The following PLXNA4 variants were observed in gnomAD, a reference collection of about 807,000 sequenced individuals.
The protein encoded by PLXNA4 is plexin A4.
In PLXNA4, 44 loss-of-function variants were observed where a neutral mutation model predicts 191.8. That is an observed-to-expected ratio of 0.23 (90% CI 0.18 to 0.29). The LOEUF is 0.29. Ranked by LOEUF, PLXNA4 falls within the 10% of genes least tolerant of loss-of-function variation. The probability of loss-of-function intolerance (pLI) is 1.00; values close to 1 mark genes in which losing one functional copy is unlikely to be tolerated. For synonymous variants in PLXNA4, 1,082 were observed against 1,009.5 expected, an observed-to-expected ratio of 1.07 and a Z score of -1.36; for missense variants, 1,800 against 2,488.8, an observed-to-expected ratio of 0.72 and a Z score of 5.89.
intron 3 of PLXNA4, among the ~76,000 whole-genome samples, chr7:132,330,775 C>A (rs994701220): frequency 1.3e-5 from 2 of 152,214 alleles, no homozygotes; most frequent in Non-Finnish European, 2.9e-5. Flanking sequence ...GCACCACTGA[C>A]CCTGGCAGCC....
At chr7:132,268,144 T>C (rs1276594170) in intron 4 of PLXNA4, among the ~76,000 whole-genome samples, 1 of 152,232 alleles carries the variant, frequency 6.6e-6, no homozygotes, top group Non-Finnish European at 1.5e-5. Context: ...ATTTATGAAC[T>C]TGCCAGCCTC....
intron 4 of PLXNA4, among the ~76,000 whole-genome samples, chr7:132,276,123 G>T (rs1293876982): frequency 1.3e-5 from 2 of 152,126 alleles, no homozygotes; most frequent in African/African-American, 4.8e-5. Flanking sequence ...TCTCTGCTGT[G>T]TTTATTGTCT....
chr7:132,254,517 T>C (rs1562993777), intron 4 of PLXNA4, among the ~76,000 whole-genome samples: 1 of 152,184 alleles, frequency 6.6e-6, no homozygotes, highest in Non-Finnish European at 1.5e-5. Context: ...CTCCTATGCA[T>C]AAAGGGAGCA....
chr7:132,311,156 TTGTG>T lies in PLXNA4; in HGVS notation c.1372-12938_1372-12935del, dbSNP rs749947062. ...CCAGTTCCTGGGCTATCTAGGATAA[TTGTG>T]TGTGTGTGTGTGTGTGTGTGTGTGT... On this transcript the variant is annotated intron_variant, in intron 3 of 31. Transcript: ENST00000321063. Among the ~76,000 whole-genome samples, 1,056 of 132,042 alleles carry T rather than the reference TTGTG, an allele frequency of 8.0e-3. 9 individuals are homozygous for T. The highest frequency in any genetic ancestry group is 0.016 in the African/African-American group (527 of 32,910). The allele number at this position is 132,042 out of a possible 152,430, so 86.6% of individuals were successfully genotyped here.
At chr7:132,633,242 G>A (rs944731913) in intron 2 of PLXNA4, among the ~76,000 whole-genome samples, 8 of 151,428 alleles carry the variant, frequency 5.3e-5, no homozygotes, top group Non-Finnish European at 1.0e-4. Context: ...AACACAATTT[G>A]CTCCAGGTGA....
Position 132,514,840 on chromosome 7 carries a change from C to A in PLXNA4, c.-86-6061G>T, listed in dbSNP as rs940469500. On this transcript the variant is annotated intron_variant, in intron 1 of 31. Transcript: ENST00000321063. ...CACACACACACACATCCTCTTGGTT[C>A]TGTTTTCTTTGAAGAAGCCCAACTA... Among the ~76,000 whole-genome samples, 12 of 152,160 alleles carry A rather than the reference C, an allele frequency of 7.9e-5. No individual in the cohort carries two copies. In the South Asian group the frequency reaches 1.0e-3, roughly 13 times the overall value.
chr7:132,584,301 G>A (rs550446591), intron 2 of PLXNA4, among the ~76,000 whole-genome samples: 4 of 152,132 alleles, frequency 2.6e-5, no homozygotes, highest in East Asian at 1.9e-4. Context: ...GCCTTTACTC[G>A]TGGTTTTTGA....
At chr7:132,217,225 G>A (rs1258118435) in intron 9 of PLXNA4, among the ~76,000 whole-genome samples, 8 of 152,226 alleles carry the variant, frequency 5.3e-5, no homozygotes, top group Non-Finnish European at 1.0e-4. Context: ...GTATAAAAGC[G>A]AGAATGATGA....
chr7:132,579,507 A>G (rs1802361846), upstream of PLXNA4, among the ~76,000 whole-genome samples: 1 of 147,480 alleles, frequency 6.8e-6, no homozygotes, highest in South Asian at 2.1e-4. Flanking sequence ...TGATGGATGG[A>G]CGGGAAGTCA....
chr7:132,298,178 C>A lies in PLXNA4; in HGVS notation c.1416G>T (p.Thr472=), dbSNP rs202104493. The change falls in exon 4 of 32, where the codon ACG becomes ACT. Residue 472 remains threonine, a synonymous_variant. Coordinates refer to ENST00000321063, the MANE Select transcript of PLXNA4 (RefSeq NM_020911.2). ...GPRGNALQYE[T]VQVVDPGPVL... is the part of the protein sequence containing the mutation. ...CTGGGCCGGGGTCCACCACCTGCAC[C>A]GTCTCATACTGGAGGGCGTTGCCCC... 6.2e-6 allele frequency: 10 copies of A among 1,614,006 alleles called. No homozygotes were observed. The African/African-American group carries it at 1.1e-4, about 17-fold the overall frequency.
At chr7:132,514,779 T>C (rs1798872949) in intron 1 of PLXNA4, among the ~76,000 whole-genome samples, 1 of 149,434 alleles carries the variant, frequency 6.7e-6, no homozygotes, top group African/African-American at 2.5e-5. Context: ...GCCAATTCCT[T>C]AAATCAATCT....
At position 132,231,280 on chromosome 7, in the gene PLXNA4, C is replaced by T. The variant is rs151125449; in HGVS notation, c.1605-2811G>A. ...TGTGAGTAAAGCATTAAGGACAGGA[C>T]ATAGCTCATAGTAAGCCCTCATAAA... On this transcript the variant is annotated intron_variant, in intron 5 of 31. Transcript: ENST00000321063. Among the ~76,000 whole-genome samples the T allele has an allele frequency of 2.5e-3, 381 of 152,318 alleles. 3 individuals are homozygous for T. The highest frequency in any genetic ancestry group is 9.0e-3 in the African/African-American group (373 of 41,580).
At chr7:132,412,610 T>G (rs749572214) in intron 3 of PLXNA4, among the ~76,000 whole-genome samples, 3 of 152,216 alleles carry the variant, frequency 2.0e-5, no homozygotes, top group Non-Finnish European at 4.4e-5. Context: ...TGGAGGCGAT[T>G]ATGAGGCAGT....
chr7:132,365,360 T>TGTGTGTGTGTGTGTGCGCGCGC, intron 3 of PLXNA4, among the ~76,000 whole-genome samples: 1 of 128,742 alleles, frequency 7.8e-6, no homozygotes. Context: ...TGTGTGTGTG[T>TGTGTGTGTGTGTGTGCGCGCGC]GCGTGCGCGC....
At chr7:132,384,890 G>A in intron 3 of PLXNA4, 1 of 1,208,804 alleles carries the variant, frequency 8.3e-7, no homozygotes, top group Non-Finnish European at 1.0e-6. Context: ...GGGAGAATCA[G>A]TTAGTTTCAC....
At chr7:132,186,602 A>C (rs1223246238) in intron 15 of PLXNA4, among the ~76,000 whole-genome samples, 2 of 152,090 alleles carry the variant, frequency 1.3e-5, no homozygotes, top group Non-Finnish European at 2.9e-5. Context: ...GGTGATTGAA[A>C]CCACCTTTGC....
intron 3 of PLXNA4, chr7:132,384,118 T>C: frequency 1.0e-6 from 1 of 985,402 alleles, no homozygotes; most frequent in Non-Finnish European, 1.2e-6. Flanking sequence ...ATGAAGGTTC[T>C]CAAGAGCCCT....
chr7:132,240,842 C>T (rs11765681), intron 5 of PLXNA4, among the ~76,000 whole-genome samples: 5,861 of 152,216 alleles, frequency 0.039, 175 homozygotes, highest in Non-Finnish European at 0.059. Flanking sequence ...ATTCCCATGC[C>T]ACCGTTGCCA....
At chr7:132,611,622 G>A (rs1267476448) in intron 2 of PLXNA4, among the ~76,000 whole-genome samples, 1 of 152,188 alleles carries the variant, frequency 6.6e-6, no homozygotes, top group East Asian at 1.9e-4. Flanking sequence ...CCTGGAAGAT[G>A]GGCTACACAC....
Sources: gnomAD v4.1 joint callset for allele counts (sites outside exome capture counted in the v4.1 genomes callset) on GRCh38, gnomAD v4.1.1 for gene constraint, MANE v1.5 for transcripts, NCBI Gene and HGNC (gene_info 2026-07-23, HGNC 2026-07-21) for gene names.